The following RMND1 variants were observed in gnomAD, a reference collection of about 807,000 sequenced individuals.
RMND1 encodes required for meiotic nuclear division 1 homolog.
In RMND1, 41 loss-of-function variants were observed where a neutral mutation model predicts 54.0. That is an observed-to-expected ratio of 0.76 (90% CI 0.59 to 0.98). The LOEUF (loss-of-function observed/expected upper bound fraction) is 0.98, where lower values mean the gene tolerates loss of function less well. RMND1 is among the 50% of genes least tolerant of loss of function. The probability of loss-of-function intolerance (pLI) is 0.00; values close to 1 mark genes in which losing one functional copy is unlikely to be tolerated. For missense variants in RMND1, 457 were observed against 532.0 expected (o/e 0.86, Z 1.39); for synonymous variants, 183 against 181.7 (o/e 1.01, Z -0.06).
intron 10 of RMND1, among the ~76,000 whole-genome samples, chr6:151,410,299 C>T (rs1477926374): frequency 6.6e-6 from 1 of 152,126 alleles, no homozygotes; most frequent in Non-Finnish European, 1.5e-5. Flanking sequence ...TTGTGATCCG[C>T]CCTCCTTGGC....
intron 6 of RMND1, 45 bp downstream of exon 6, chr6:151,427,437 T>A: frequency 8.4e-7 from 1 of 1,196,840 alleles, no homozygotes; most frequent in Non-Finnish European, 1.2e-6. Flanking sequence ...TTTACCTAAT[T>A]TATTCCAAGT....
intron 10 of RMND1, among the ~76,000 whole-genome samples, chr6:151,406,458 A>G (rs9383888): frequency 2.6e-5 from 4 of 151,556 alleles, no homozygotes; most frequent in South Asian, 2.1e-4. Flanking sequence ...GCCTCCTGGG[A>G]TCACGCCATT....
intron 2 of RMND1, among the ~76,000 whole-genome samples, chr6:151,441,711 C>A (rs1780780084): frequency 6.6e-6 from 1 of 152,126 alleles, no homozygotes; most frequent in African/African-American, 2.4e-5. Flanking sequence ...GGTGGCACAG[C>A]CCAGTTCTAT....
At chr6:151,410,288 C>G (rs189360048) in intron 10 of RMND1, among the ~76,000 whole-genome samples, 2 of 152,280 alleles carry the variant, frequency 1.3e-5, no homozygotes, top group Admixed American at 1.3e-4. Context: ...ATCTCCTGAC[C>G]TTGTGATCCG....
intron 10 of RMND1, among the ~76,000 whole-genome samples, chr6:151,410,764 T>C (rs1779805469): frequency 6.6e-6 from 1 of 152,208 alleles, no homozygotes; most frequent in South Asian, 2.1e-4. Context: ...AAACAGAAGT[T>C]TTAAAATTTC....
At chr6:151,430,436 AC>A (rs1780419512) in intron 4 of RMND1, among the ~76,000 whole-genome samples, 1 of 152,348 alleles carries the variant, frequency 6.6e-6, no homozygotes, top group African/African-American at 2.4e-5. Context: ...TTATTGTAAT[AC>A]TATATAACTT....
chr6:151,415,161 T>C (rs991072548), intron 10 of RMND1, among the ~76,000 whole-genome samples: 4 of 152,176 alleles, frequency 2.6e-5, no homozygotes, highest in African/African-American at 7.2e-5. Context: ...TTCTAAATTA[T>C]GTTTGATGGT....
chr6:151,432,275 A>G (rs1370629479), intron 4 of RMND1, among the ~76,000 whole-genome samples: 4 of 152,158 alleles, frequency 2.6e-5, no homozygotes, highest in Non-Finnish European at 2.9e-5. Context: ...GTGCTGATGT[A>G]GAGTCCCTCA....
At chr6:151,443,580 G>C (rs1349669549) in intron 2 of RMND1, among the ~76,000 whole-genome samples, 1 of 152,146 alleles carries the variant, frequency 6.6e-6, no homozygotes, top group Non-Finnish European at 1.5e-5. Context: ...AAAGTGTTGG[G>C]ATTACAGCTG....
chr6:151,410,962 TATTA>T (rs779446697), intron 10 of RMND1, among the ~76,000 whole-genome samples: 3 of 152,146 alleles, frequency 2.0e-5, no homozygotes, highest in Non-Finnish European at 2.9e-5. Flanking sequence ...TTATCTTATT[TATTA>T]ATTATTTTTT....
At chr6:151,424,886 G>GGGCTGAGA (rs11268538) in intron 6 of RMND1, among the ~76,000 whole-genome samples, 21,533 of 152,036 alleles carry the variant, frequency 0.14, 1,751 homozygotes, top group African/African-American at 0.22. Context: ...GCCTGATGGA[G>GGGCTGAGA]GGCGGCATCT....
In RMND1 at chr6:151,405,840, T is replaced by C. The variant is rs369629964; in HGVS notation, c.1201-4A>G. 9.2e-6 allele frequency: 14 copies of C among 1,528,108 alleles called. No individual in the cohort carries two copies. The highest frequency in any genetic ancestry group is 5.0e-5 in the Admixed American group (3 of 59,606). 94.7% of individuals were successfully genotyped at this position (1,528,108 alleles called of 1,614,324 possible). Reference sequence around the variant, plus strand: ...GCTGAAGTTTTTCATTCATGACCTATGTAAGAAAAATTTCAGTAACATGTA... The same window carrying C: ...GCTGAAGTTTTTCATTCATGACCTACGTAAGAAAAATTTCAGTAACATGTA... On this transcript the variant is annotated splice_region_variant and splice_polypyrimidine_tract_variant and intron_variant, in intron 10 of 11. Coordinates refer to ENST00000444024, the MANE Select transcript of RMND1 (RefSeq NM_017909.4).
intron 2 of RMND1, among the ~76,000 whole-genome samples, chr6:151,443,454 G>T (rs1054267093): frequency 1.3e-5 from 2 of 152,078 alleles, no homozygotes; most frequent in African/African-American, 2.4e-5. Flanking sequence ...TGGGATTACA[G>T]GTGTGCACCA....
chr6:151,438,998 C>T (rs1315493227), intron 2 of RMND1, among the ~76,000 whole-genome samples: 2 of 152,148 alleles, frequency 1.3e-5, no homozygotes, highest in African/African-American at 4.8e-5. Flanking sequence ...CCTGTAATCC[C>T]AGCTACTTGG....
At chr6:151,429,248 A>G (rs542923061) in intron 5 of RMND1, among the ~76,000 whole-genome samples, 2 of 151,780 alleles carry the variant, frequency 1.3e-5, no homozygotes, top group Admixed American at 1.3e-4. Flanking sequence ...CAGCTACCCG[A>G]GTAGCTGGGA....
chr6:151,438,711 G>T (rs891461619), intron 2 of RMND1, among the ~76,000 whole-genome samples: 8 of 151,934 alleles, frequency 5.3e-5, no homozygotes, highest in African/African-American at 1.9e-4. Context: ...AGCCCACACT[G>T]TCCCTGCCTC....
chr6:151,416,354 T>C (rs189198364), intron 10 of RMND1, among the ~76,000 whole-genome samples: 1 of 151,848 alleles, frequency 6.6e-6, no homozygotes, highest in East Asian at 1.9e-4. Flanking sequence ...TGTGCACACA[T>C]TGTACTAATG....
At chr6:151,444,058 A>T (rs986883180) in intron 2 of RMND1, among the ~76,000 whole-genome samples, 59 of 152,374 alleles carry the variant, frequency 3.9e-4, no homozygotes, top group African/African-American at 1.3e-3. Context: ...TCTAAAGAAA[A>T]ATAGATACGG....
rs570241306 is a variant in RMND1 at position 151,442,633 on chromosome 6, G to A, written c.504+2675C>T. ...CAGCCTGGAACCCTGGAGCTCAAGCGATCCTCCCACCTCAGCCTCTTGAGT... is the reference window on the plus strand; with the variant it reads ...CAGCCTGGAACCCTGGAGCTCAAGCAATCCTCCCACCTCAGCCTCTTGAGT... On this transcript the variant is annotated intron_variant, in intron 2 of 11. Coordinates refer to ENST00000444024, the MANE Select transcript of RMND1 (RefSeq NM_017909.4). 2.5e-4 allele frequency among the ~76,000 whole-genome samples: 38 copies of A among 151,696 alleles called. 1 individual carries two copies. The South Asian group carries it at 7.5e-3, about 30-fold the overall frequency.
Sources: gnomAD v4.1 joint callset for allele counts (sites outside exome capture counted in the v4.1 genomes callset) on GRCh38, gnomAD v4.1.1 for gene constraint, MANE v1.5 for transcripts, NCBI Gene and HGNC (gene_info 2026-07-23, HGNC 2026-07-21) for gene names.